FAF1: variants seen among roughly 807,000 people sequenced by gnomAD.
The protein encoded by FAF1 is Fas associated factor 1, also known as FAS-associated factor 1.
In FAF1, 25 loss-of-function variants were observed where a neutral mutation model predicts 92.5. The observed-to-expected ratio is 0.27, with a 90% CI of 0.20 to 0.38. The LOEUF (loss-of-function observed/expected upper bound fraction) is 0.38, where lower values mean the gene tolerates loss of function less well. Among genes scored for constraint, FAF1 ranks in the 10% least tolerant of loss-of-function variants. The pLI, the probability that FAF1 is intolerant of heterozygous loss-of-function variation, is 1.00. For missense variants in FAF1, 636 were observed against 793.3 expected, an observed-to-expected ratio of 0.80 and a Z score of 2.38; for synonymous variants, 234 against 273.2, an observed-to-expected ratio of 0.86 and a Z score of 1.42.
intron 13 of FAF1, among the ~76,000 whole-genome samples, chr1:50,553,629 C>T (rs1649415359): frequency 6.6e-6 from 1 of 152,160 alleles, no homozygotes; most frequent in South Asian, 2.1e-4. Flanking sequence ...CTCTAGAGCA[C>T]TATGCTTGAT....
chr1:50,838,174 T>C (rs1003472817), intron 2 of FAF1, among the ~76,000 whole-genome samples: 3 of 152,132 alleles, frequency 2.0e-5, no homozygotes, highest in African/African-American at 7.2e-5. Context: ...GATGGTTTTA[T>C]GGGCTGAACC....
intron 8 of FAF1, among the ~76,000 whole-genome samples, chr1:50,653,099 AC>A (rs1654939053): frequency 1.3e-5 from 2 of 152,224 alleles, no homozygotes; most frequent in East Asian, 3.9e-4. Context: ...TCATGTATGA[AC>A]ATTATTCTTT....
At chr1:50,649,666 G>A (rs1654763953) in intron 8 of FAF1, among the ~76,000 whole-genome samples, 1 of 151,852 alleles carries the variant, frequency 6.6e-6, no homozygotes. Flanking sequence ...GAAAAGTCTG[G>A]GCACAGTGCC....
chr1:50,491,160 C>CA (rs1211050341), intron 16 of FAF1, among the ~76,000 whole-genome samples: 3 of 151,872 alleles, frequency 2.0e-5, no homozygotes, highest in South Asian at 2.1e-4. Flanking sequence ...CCTGGCTCTC[C>CA]AAAAAAAACC....
chr1:50,910,537 G>A (rs981825525), intron 1 of FAF1, among the ~76,000 whole-genome samples: 10 of 152,138 alleles, frequency 6.6e-5, no homozygotes, highest in Non-Finnish European at 1.5e-4. Flanking sequence ...GCTCCACCCA[G>A]TTCGAGCTTC....
chr1:50,632,520 G>T (rs1162229541), intron 8 of FAF1, among the ~76,000 whole-genome samples: 2 of 152,066 alleles, frequency 1.3e-5, no homozygotes, highest in Non-Finnish European at 2.9e-5. Flanking sequence ...AGATTCTCAA[G>T]TTACTTCTCT....
chr1:50,573,558 G>A (rs1053106659), intron 12 of FAF1, among the ~76,000 whole-genome samples: 1 of 152,182 alleles, frequency 6.6e-6, no homozygotes, highest in African/African-American at 2.4e-5. Context: ...CCAGAGTGCA[G>A]GTTGTATTGT....
At chr1:50,459,243 G>C (rs1462129570) in intron 18 of FAF1, among the ~76,000 whole-genome samples, 1 of 151,894 alleles carries the variant, frequency 6.6e-6, no homozygotes, top group Non-Finnish European at 1.5e-5. Context: ...TAAAGTGCTG[G>C]GATTACAGGT....
At chr1:50,958,928 G>T (rs1364008617) in intron 1 of FAF1, among the ~76,000 whole-genome samples, 6 of 152,152 alleles carry the variant, frequency 3.9e-5, no homozygotes, top group Admixed American at 3.9e-4. Context: ...AAAGGCAAAG[G>T]TAGCACTCAC....
intron 8 of FAF1, among the ~76,000 whole-genome samples, chr1:50,639,584 CTT>C (rs767974497): frequency 2.6e-5 from 4 of 152,150 alleles, no homozygotes; most frequent in Non-Finnish European, 5.9e-5. Context: ...ATGCATAACT[CTT>C]TTTGTTCTTT....
At chr1:50,886,992 C>G (rs1049150085) in intron 1 of FAF1, among the ~76,000 whole-genome samples, 2 of 152,198 alleles carry the variant, frequency 1.3e-5, no homozygotes, top group Non-Finnish European at 2.9e-5. Context: ...TACAGTCCCA[C>G]CAACAGTGTA....
chr1:50,542,354 TC>T (rs1648797690), intron 13 of FAF1, among the ~76,000 whole-genome samples: 2 of 152,316 alleles, frequency 1.3e-5, no homozygotes, highest in Admixed American at 1.3e-4. Context: ...GTCAAATCTT[TC>T]TCATGGCTAG....
intron 4 of FAF1, among the ~76,000 whole-genome samples, chr1:50,777,743 G>GAA (rs549071005): frequency 2.8e-4 from 22 of 79,966 alleles, no homozygotes; most frequent in African/African-American, 6.1e-4. Flanking sequence ...TTCATTTTAA[G>GAA]AAAAAAAAAA....
intron 2 of FAF1, among the ~76,000 whole-genome samples, chr1:50,854,683 C>T (rs978632445): frequency 6.6e-6 from 1 of 151,854 alleles, no homozygotes. Flanking sequence ...AATAATGTGC[C>T]AGGTCTGGGA....
intron 1 of FAF1, among the ~76,000 whole-genome samples, chr1:50,910,992 A>G (rs1252225381): frequency 6.6e-6 from 1 of 151,808 alleles, no homozygotes; most frequent in African/African-American, 2.4e-5. Flanking sequence ...AGCTGTTCCT[A>G]TTTGGCCATC....
At chr1:50,775,761 A>G (rs1191457645) in intron 4 of FAF1, among the ~76,000 whole-genome samples, 2 of 152,180 alleles carry the variant, frequency 1.3e-5, no homozygotes, top group Non-Finnish European at 2.9e-5. Flanking sequence ...GGGGGACGAA[A>G]AAAAAAGGAG....
At chr1:50,898,015 A>C (rs1644769974) in intron 1 of FAF1, among the ~76,000 whole-genome samples, 1 of 152,174 alleles carries the variant, frequency 6.6e-6, no homozygotes, top group African/African-American at 2.4e-5. Flanking sequence ...CACCCAAACA[A>C]TCAGCCAACT....
At chr1:50,576,977 T>C (rs1650778231) in intron 12 of FAF1, among the ~76,000 whole-genome samples, 1 of 152,002 alleles carries the variant, frequency 6.6e-6, no homozygotes, top group South Asian at 2.1e-4. Flanking sequence ...TAAAAACAGA[T>C]TTTAAATGTC....
At chr1:50,938,395 T>A (rs1416048996) in intron 1 of FAF1, among the ~76,000 whole-genome samples, 1 of 152,162 alleles carries the variant, frequency 6.6e-6, no homozygotes, top group Admixed American at 6.5e-5. Flanking sequence ...TACCCTTTCA[T>A]CAAAAGATGG....
Sources: gnomAD v4.1 joint callset for allele counts (sites outside exome capture counted in the v4.1 genomes callset) on GRCh38, gnomAD v4.1.1 for gene constraint, MANE v1.5 for transcripts, NCBI Gene and HGNC (gene_info 2026-07-23, HGNC 2026-07-21) for gene names.